The following ZNF496 variants were observed in gnomAD, a reference collection of about 807,000 sequenced individuals.
ZNF496 encodes NSD1 (nuclear receptor binding SET-domain containing 1)-interacting zinc finger protein 1.
Under a neutral mutation model 58.9 loss-of-function variants are expected in ZNF496, and 11 were observed. The observed-to-expected ratio is 0.19, with a 90% confidence interval of 0.12 to 0.31. The LOEUF is 0.31. Among genes scored for constraint, ZNF496 ranks in the 10% least tolerant of loss-of-function variants. The pLI, the probability that ZNF496 is intolerant of heterozygous loss-of-function variation, is 1.00. For synonymous variants in ZNF496, 338 were observed against 318.2 expected, an observed-to-expected ratio of 1.06 and a Z score of -0.66; for missense variants, 660 against 783.0, an observed-to-expected ratio of 0.84 and a Z score of 1.88.
chr1:247,313,914 T>A (rs1222788310), intron 6 of ZNF496: 1 of 152,194 alleles, frequency 6.6e-6, no homozygotes, highest in Non-Finnish European at 1.5e-5. Flanking sequence ...GGCCACCAAG[T>A]GCAGGGCGTC....
At chr1:247,327,344 G>A (rs1243660171) in intron 5 of ZNF496, among the ~76,000 whole-genome samples, 2 of 152,168 alleles carry the variant, frequency 1.3e-5, no homozygotes, top group Non-Finnish European at 2.9e-5. Flanking sequence ...GATTACAGGC[G>A]TGAGCCACCG....
At position 247,300,447 on chromosome 1, in the gene ZNF496, G is replaced by GT. The variant is rs1659199918; in HGVS notation, c.*71dup. 1.3e-6 allele frequency: 2 copies of GT among 1,489,424 alleles called. No homozygotes were observed. The highest frequency in any genetic ancestry group is 2.8e-5 in the African/African-American group (2 of 71,480). The allele number at this position is 1,489,424 out of a possible 1,614,324, so 92.3% of individuals were successfully genotyped here. A position where few individuals can be genotyped will look rare whatever the true frequency, so the allele number is the denominator to read the frequency against. On this transcript the variant is annotated 3_prime_UTR_variant, in exon 10 of 10. Coordinates refer to ENST00000682384, the MANE Select transcript of ZNF496 (RefSeq NM_032752.3). The surrounding 1 kb of genome is among the most constrained non-coding windows in gnomAD (Gnocchi z 5.7). The stretch of plus-strand genomic sequence containing the variant: ...CTATCCTGGGGAAGGTATGTCCTGG[G>GT]TGGGGGCGCTGATCAGTACCAAGGT...
chr1:247,311,472 G>A (rs895515891), intron 6 of ZNF496: 11 of 124,928 alleles, frequency 8.8e-5, no homozygotes, highest in African/African-American at 2.6e-4. Context: ...CATATATAGT[G>A]GTGAGACGGG....
chr1:247,303,357 T>C (rs1659306649), intron 9 of ZNF496, among the ~76,000 whole-genome samples: 1 of 152,238 alleles, frequency 6.6e-6, no homozygotes, highest in Admixed American at 6.5e-5. Context: ...CAGCCTGTGG[T>C]ACCTTGTTAT....
intron 5 of ZNF496, among the ~76,000 whole-genome samples, chr1:247,328,302 A>G (rs1660203876): frequency 6.6e-6 from 1 of 152,196 alleles, no homozygotes; most frequent in Non-Finnish European, 1.5e-5. Flanking sequence ...CAGAGGTTCC[A>G]AGAGACAAGA....
At chr1:247,319,392 T>C (rs1034483902) in intron 6 of ZNF496, among the ~76,000 whole-genome samples, 1 of 152,074 alleles carries the variant, frequency 6.6e-6, no homozygotes, top group Non-Finnish European at 1.5e-5. Flanking sequence ...AAAAAAGCTA[T>C]ACAAAAATAT....
intron 2 of ZNF496, among the ~76,000 whole-genome samples, 186 bp downstream of exon 2, chr1:247,331,246 T>C (rs1572100404): frequency 1.3e-5 from 2 of 152,082 alleles, no homozygotes; most frequent in African/African-American, 2.4e-5. Flanking sequence ...CTAACGTGAG[T>C]GAGGCGGAGG....
chr1:247,304,791 C>CA (rs1659357394), intron 9 of ZNF496, among the ~76,000 whole-genome samples: 1 of 151,972 alleles, frequency 6.6e-6, no homozygotes, highest in African/African-American at 2.4e-5. Context: ...ATTTTGGAAG[C>CA]AAAAAACATC....
intron 9 of ZNF496, among the ~76,000 whole-genome samples, chr1:247,305,685 G>A (rs1200417204): frequency 6.6e-6 from 1 of 152,218 alleles, no homozygotes; most frequent in Admixed American, 6.5e-5. Context: ...ATTAAAAACT[G>A]TAAAATATTC....
intron 6 of ZNF496, among the ~76,000 whole-genome samples, chr1:247,317,562 A>G (rs1659822349): frequency 7.3e-6 from 1 of 137,294 alleles, no homozygotes. Flanking sequence ...CCTGCTAGCT[A>G]AGAACAAGCC....
chr1:247,312,960 A>C (rs1266383715), intron 6 of ZNF496: 2 of 152,118 alleles, frequency 1.3e-5, no homozygotes, highest in Admixed American at 1.3e-4. Flanking sequence ...GGGGACTCAT[A>C]AACAACATAA....
intron 6 of ZNF496, among the ~76,000 whole-genome samples, chr1:247,320,887 A>G (rs542370160): frequency 6.6e-6 from 1 of 152,208 alleles, no homozygotes; most frequent in Non-Finnish European, 1.5e-5. Flanking sequence ...AAGGAAGGGA[A>G]TTCATGGCCA....
intron 5 of ZNF496, among the ~76,000 whole-genome samples, chr1:247,326,084 A>G (rs1366330857): frequency 6.8e-6 from 1 of 147,314 alleles, no homozygotes; most frequent in Non-Finnish European, 1.5e-5. Context: ...ACACACACAC[A>G]TATATACACA....
intron 5 of ZNF496, among the ~76,000 whole-genome samples, chr1:247,326,927 T>C (rs1399677339): frequency 1.3e-5 from 2 of 152,258 alleles, no homozygotes; most frequent in East Asian, 3.9e-4. Flanking sequence ...TTCCTCTTCC[T>C]TTCCCTGAAA....
rs1418001785 is a variant in ZNF496, at chr1:247,298,673, GACTT to G, written c.*1842_*1845del. On this transcript the variant is annotated 3_prime_UTR_variant, in exon 10 of 10. Coordinates refer to ENST00000682384, the MANE Select transcript of ZNF496 (RefSeq NM_032752.3). ...ACAAGGAGCACCAGGAGCCTTGCCTGACTTACTGTCTGTTGGTAGGATGTGACAT... is the reference window on the plus strand; with the variant it reads ...ACAAGGAGCACCAGGAGCCTTGCCTGACTGTCTGTTGGTAGGATGTGACAT... 6.6e-6 allele frequency: 1 copy of G among 152,294 alleles called. No homozygotes were observed. Among genetic ancestry groups the G allele is most frequent in the Non-Finnish European group, 1.5e-5 (1 of 68,116 alleles). 9.4% of individuals were successfully genotyped at this position (152,294 alleles called of 1,614,324 possible).
intron 9 of ZNF496, chr1:247,307,536 T>C: frequency 1.0e-6 from 1 of 985,364 alleles, no homozygotes. Flanking sequence ...AATGCATCAC[T>C]CTTGGCACGC....
At chr1:247,303,407 A>G (rs1659307829) in intron 9 of ZNF496, among the ~76,000 whole-genome samples, 1 of 152,218 alleles carries the variant, frequency 6.6e-6, no homozygotes. Context: ...GGCACCAGGA[A>G]GTAGGGTGCA....
intron 9 of ZNF496, chr1:247,307,036 A>C: frequency 1.1e-6 from 1 of 934,088 alleles, no homozygotes; most frequent in Non-Finnish European, 1.3e-6. Context: ...AATAAGGATA[A>C]ATGAATACTA....
chr1:247,317,379 C>T lies in ZNF496; in HGVS notation c.651+5775G>A, dbSNP rs145537530. Among the ~76,000 whole-genome samples the T allele has an allele frequency of 8.5e-4, 129 of 152,348 alleles. 1 individual carries two copies. The highest frequency in any genetic ancestry group is 3.0e-3 in the African/African-American group (126 of 41,584). ...GGCAGCCCAGCCAAACAGGTAATAA[C>T]TGCTCTACTCCACTTAATACCACAT... On this transcript the variant is annotated intron_variant, in intron 6 of 9. Transcript: ENST00000682384.
Sources: allele counts gnomAD v4.1 joint callset (sites outside exome capture counted in the v4.1 genomes callset), GRCh38; gene constraint gnomAD v4.1.1; non-coding constraint Gnocchi (gnomAD v3.1); transcripts MANE v1.5; gene names NCBI Gene and HGNC (gene_info 2026-07-23, HGNC 2026-07-21).